The following ADCY5 variants were observed in gnomAD, a reference collection of about 807,000 sequenced individuals.
ADCY5 encodes adenylate cyclase type 5.
In ADCY5, 30 loss-of-function variants were observed where a neutral mutation model predicts 119.7. The observed-to-expected ratio is 0.25, with a 90% CI of 0.19 to 0.34. ADCY5 has a LOEUF of 0.34. Among genes scored for constraint, ADCY5 ranks in the 10% least tolerant of loss-of-function variants. ADCY5 has a pLI of 1.00. For missense variants in ADCY5, 1,324 were observed against 1,775.2 expected (o/e 0.75, Z 4.57); for synonymous variants, 753 against 762.2 (o/e 0.99, Z 0.20).
At chr3:123,366,367 C>G (rs1943436374) in intron 1 of ADCY5, among the ~76,000 whole-genome samples, 1 of 152,208 alleles carries the variant, frequency 6.6e-6, no homozygotes, top group Non-Finnish European at 1.5e-5. Context: ...TGATCTGCCT[C>G]CTTACTTCCC....
intron 1 of ADCY5, among the ~76,000 whole-genome samples, chr3:123,385,400 A>C (rs945342460): frequency 1.3e-5 from 2 of 152,150 alleles, no homozygotes; most frequent in African/African-American, 4.8e-5. Flanking sequence ...GAGGGAGGGA[A>C]CGTTAATAGA....
At chr3:123,432,212 G>A (rs1018745917) in intron 1 of ADCY5, among the ~76,000 whole-genome samples, 2 of 152,214 alleles carry the variant, frequency 1.3e-5, no homozygotes, top group African/African-American at 4.8e-5. Context: ...TCCTGGGACT[G>A]CTTTGAAAAG....
In ADCY5 at chr3:123,447,796, C is replaced by T. The variant is rs759766616; in HGVS notation, c.750G>A (p.Val250=). The T allele has an allele frequency of 1.2e-5, 19 of 1,611,830 alleles. No homozygotes were observed. In the Admixed American group the frequency reaches 3.2e-4, roughly 27 times the overall value. ...SSLTMLMAVL[V]LVCLVMLAFH... ...AGGCCAACATGACCAGGCACACGAG[C>T]ACCAGCACGGCCATGAGCATGGTGA... The change falls in exon 1 of 21, where the codon GTG becomes GTA. Residue 250 remains valine (V), a synonymous_variant. Coordinates refer to ENST00000462833, the MANE Select transcript of ADCY5 (RefSeq NM_183357.3).
intron 1 of ADCY5, among the ~76,000 whole-genome samples, chr3:123,358,531 T>C (rs952413853): frequency 6.6e-6 from 1 of 152,268 alleles, no homozygotes; most frequent in Non-Finnish European, 1.5e-5. Context: ...GCCCAGGAGA[T>C]AGAGGCTGCA....
intron 1 of ADCY5, among the ~76,000 whole-genome samples, chr3:123,388,884 A>T (rs2107580031): frequency 6.6e-6 from 1 of 152,204 alleles, no homozygotes. Flanking sequence ...GCCAGTGGGG[A>T]GTTGGAGGAG....
At chr3:123,355,317 T>C (rs1351919274) in intron 1 of ADCY5, among the ~76,000 whole-genome samples, 1 of 152,172 alleles carries the variant, frequency 6.6e-6, no homozygotes, top group East Asian at 1.9e-4. Context: ...TAAATACCAA[T>C]TGGAAGTAAA....
In ADCY5 at chr3:123,325,337, C is replaced by T; in HGVS notation, c.2073G>A (p.Lys691=). 1.2e-6 allele frequency: 2 copies of T among 1,614,134 alleles called. No individual in the cohort carries two copies. Among genetic ancestry groups the T allele is most frequent in the Non-Finnish European group, 1.7e-6 (2 of 1,180,000 alleles). Residue 691 remains lysine, a synonymous_variant, in exon 8 of 21, where the codon AAG becomes AAA. Coordinates refer to ENST00000462833, the MANE Select transcript of ADCY5 (RefSeq NM_183357.3). ...AGCCACTCACCATCCGCTTCATCTCCTTGGACACCTGGTTGCCACCCAGGT... is the reference window on the plus strand; with the variant it reads ...AGCCACTCACCATCCGCTTCATCTCTTTGGACACCTGGTTGCCACCCAGGT... ...YNHLGGNQVS[K]EMKRMGFEDP...
rs1056784893 is a variant in ADCY5 at position 123,359,201 on chromosome 3, C to G, written c.1135-6620G>C. On this transcript the variant is annotated intron_variant, in intron 1 of 20. Coordinates refer to ENST00000462833, the MANE Select transcript of ADCY5 (RefSeq NM_183357.3). Reference sequence around the variant, plus strand: ...GTGGCTGTGGTGGGAATCAGAACTTCCCGGGGAGCCAGAGTTAGTGATGGG... The same window carrying G: ...GTGGCTGTGGTGGGAATCAGAACTTGCCGGGGAGCCAGAGTTAGTGATGGG... Among the ~76,000 whole-genome samples the G allele has an allele frequency of 1.7e-4, 25 of 151,456 alleles. 1 individual carries two copies. Among genetic ancestry groups the G allele is most frequent in the South Asian group, 2.1e-4 (1 of 4,788 alleles).
intron 1 of ADCY5, among the ~76,000 whole-genome samples, chr3:123,354,063 T>C (rs1016695242): frequency 2.0e-5 from 3 of 152,188 alleles, no homozygotes; most frequent in African/African-American, 7.2e-5. Flanking sequence ...TGCTGACTCA[T>C]AACTCCCATA....
chr3:123,289,564 G>A (rs538705207), intron 19 of ADCY5, among the ~76,000 whole-genome samples, 186 bp downstream of exon 19: 20 of 152,348 alleles, frequency 1.3e-4, no homozygotes, highest in Admixed American at 5.9e-4. Context: ...GGCGGATTCC[G>A]CTGTGAATGA....
At chr3:123,330,755 G>T (rs1653499411) in intron 5 of ADCY5, 134 bp downstream of exon 5, 2 of 1,226,972 alleles carry the variant, frequency 1.6e-6, no homozygotes, top group Non-Finnish European at 2.2e-6. Context: ...CCTCAGCTTG[G>T]CTGGGCACCT....
chr3:123,284,751 G>A lies in ADCY5; in HGVS notation c.3658-15C>T. The stretch of plus-strand genomic sequence containing the variant: ...TCTGTGGTGACCTGTGGGGGAACAG[G>A]AGGAGAGAGGGCAAGCCACTGATGG... On this transcript the variant is annotated splice_polypyrimidine_tract_variant and intron_variant, in intron 20 of 20. Transcript: ENST00000462833. The A allele has an allele frequency of 6.2e-7, 1 of 1,613,758 alleles. No individual in the cohort carries two copies.
chr3:123,355,018 C>G (rs1046880735), intron 1 of ADCY5, among the ~76,000 whole-genome samples: 4 of 152,184 alleles, frequency 2.6e-5, no homozygotes, highest in Admixed American at 2.6e-4. Context: ...TGGTGAAAGA[C>G]TGAATGCCTT....
chr3:123,317,886 T>A, intron 11 of ADCY5, 134 bp downstream of exon 11: 2 of 764,604 alleles, frequency 2.6e-6, no homozygotes, highest in Non-Finnish European at 2.1e-6. Context: ...AAGGGCACAC[T>A]CAGAAACTTC....
intron 19 of ADCY5, chr3:123,287,121 A>T: frequency 3.9e-6 from 1 of 254,130 alleles, no homozygotes; most frequent in Non-Finnish European, 7.5e-6. Context: ...GGAGCCATTT[A>T]GGCGCAACCT....
Position 123,283,252 on chromosome 3 carries a change from C to T in ADCY5, c.*1356G>A, listed in dbSNP as rs1213758692. On this transcript the variant is annotated 3_prime_UTR_variant, in exon 21 of 21. Transcript: ENST00000462833. The stretch of plus-strand genomic sequence containing the variant: ...GCCAGGGAGGCTTGGCTTCCTCGTC[C>T]CAGCCTGCAAAGCACCTGGCCTTCT... The T allele has an allele frequency of 1.3e-5, 2 of 152,198 alleles. No individual in the cohort carries two copies. The highest frequency in any genetic ancestry group is 4.8e-5 in the African/African-American group (2 of 41,440). The allele number at this position is 152,198 out of a possible 1,614,324, so 9.4% of individuals were successfully genotyped here.
chr3:123,330,835 C>A, intron 5 of ADCY5, 54 bp downstream of exon 5: 1 of 1,524,230 alleles, frequency 6.6e-7, no homozygotes, highest in Non-Finnish European at 8.8e-7. Flanking sequence ...GTCAGTCGCT[C>A]GGGCTGTGGA....
intron 17 of ADCY5, among the ~76,000 whole-genome samples, chr3:123,292,604 G>T (rs1193868090): frequency 6.6e-6 from 1 of 152,128 alleles, no homozygotes; most frequent in African/African-American, 2.4e-5. Context: ...AAGCCTTCCT[G>T]CCCAGGTGAC....
At chr3:123,339,000 A>G (rs1269568196) in intron 3 of ADCY5, among the ~76,000 whole-genome samples, 2 of 152,214 alleles carry the variant, frequency 1.3e-5, no homozygotes, top group African/African-American at 4.8e-5. Context: ...GATCTCCTGC[A>G]GCCCCTGGCA....
Sources: allele counts gnomAD v4.1 joint callset (sites outside exome capture counted in the v4.1 genomes callset), GRCh38; gene constraint gnomAD v4.1.1; transcripts MANE v1.5; gene names NCBI Gene and HGNC (gene_info 2026-07-23, HGNC 2026-07-21).